The following SLAIN1 variants were observed in gnomAD, a reference collection of about 807,000 sequenced individuals.
SLAIN1 encodes the protein SLAIN family member 1.
Under a neutral mutation model 55.4 loss-of-function variants are expected in SLAIN1, and 17 were observed. The ratio of observed to expected loss-of-function variants is 0.31; its 90% CI spans 0.21 to 0.46. The LOEUF is 0.46. Among genes scored for constraint, SLAIN1 ranks in the 20% least tolerant of loss-of-function variants. SLAIN1 has a pLI of 1.00. For synonymous variants in SLAIN1, 348 were observed against 337.4 expected (o/e 1.03, Z -0.35); for missense variants, 682 against 785.1 (o/e 0.87, Z 1.57).
In SLAIN1 at chr13:77,719,664, G is replaced by A; in HGVS notation, c.759G>A (p.Leu253=). ...EAARRSLCFR[L]EQGYTSRGSP... is the part of the protein sequence containing the mutation. ...CGAGACGTTCCCTGTGCTTTAGACT[G>A]GAGCAAGGTAATTGTGAGTGTGTGC... Residue 253 remains leucine, a synonymous_variant, in exon 2 of 7, where the codon CTG becomes CTA. Transcript: ENST00000418532. 1 of 1,612,908 alleles carries A rather than the reference G, an allele frequency of 6.2e-7. No homozygotes were observed. Among genetic ancestry groups the A allele is most frequent in the Non-Finnish European group, 8.5e-7 (1 of 1,179,314 alleles).
At chr13:77,711,835 T>C (rs1228736069) in intron 1 of SLAIN1, among the ~76,000 whole-genome samples, 1 of 152,202 alleles carries the variant, frequency 6.6e-6, no homozygotes, top group Non-Finnish European at 1.5e-5. Context: ...AGTAAAATAC[T>C]GGCAAATCGA....
At position 77,699,565 on chromosome 13, in the gene SLAIN1, G is replaced by A. The variant is rs2091011026; in HGVS notation, c.626+1026G>A. The stretch of plus-strand genomic sequence containing the variant: ...TTGTGTCTCTGTTGCATGATTGCAT[G>A]GAAGGGATTGGGAAATGGAGATCCT... On this transcript the variant is annotated intron_variant, in intron 1 of 6. Coordinates refer to ENST00000418532, the MANE Select transcript of SLAIN1 (RefSeq NM_001242868.2). 1.3e-5 allele frequency among the ~76,000 whole-genome samples: 2 copies of A among 152,172 alleles called. 1 individual carries two copies. The highest frequency in any genetic ancestry group is 1.3e-4 in the Admixed American group (2 of 15,274).
chr13:77,742,041 A>G (rs947162141), intron 2 of SLAIN1, among the ~76,000 whole-genome samples: 4 of 151,982 alleles, frequency 2.6e-5, no homozygotes, highest in African/African-American at 9.7e-5. Context: ...TCATGAGAGG[A>G]GAGTAAATCA....
intron 4 of SLAIN1, 134 bp downstream of exon 4, chr13:77,746,989 C>T (rs576128511): frequency 1.3e-5 from 10 of 755,034 alleles, no homozygotes; most frequent in South Asian, 3.9e-5. Flanking sequence ...TGCAGTGGCA[C>T]GATCTCAGCT....
chr13:77,750,602 G>A (rs1874141103), intron 4 of SLAIN1, among the ~76,000 whole-genome samples: 1 of 152,096 alleles, frequency 6.6e-6, no homozygotes, highest in African/African-American at 2.4e-5. Context: ...CCTGCTCTGT[G>A]AGGCTGGGAA....
At chr13:77,706,415 C>T (rs576313993) in intron 1 of SLAIN1, among the ~76,000 whole-genome samples, 27 of 152,092 alleles carry the variant, frequency 1.8e-4, no homozygotes, top group Non-Finnish European at 3.7e-4. Context: ...TCTTTAATTA[C>T]CTATCAGAAA....
intron 2 of SLAIN1, among the ~76,000 whole-genome samples, chr13:77,733,492 A>G (rs760674908): frequency 1.3e-5 from 2 of 152,154 alleles, no homozygotes; most frequent in Non-Finnish European, 2.9e-5. Context: ...TTTTTAAGTT[A>G]TTACATTCAT....
chr13:77,718,961 CTTTG>C lies in SLAIN1; in HGVS notation c.627-566_627-563del, dbSNP rs201991144. On this transcript the variant is annotated intron_variant, in intron 1 of 6. Coordinates refer to ENST00000418532, the MANE Select transcript of SLAIN1 (RefSeq NM_001242868.2). ...TTCGTAAAACATATCTTTTAAAGCT[CTTTG>C]TTTGGCTTTAATGAAAAAGAAACAT... Among the ~76,000 whole-genome samples the C allele has an allele frequency of 4.5e-3, 677 of 152,110 alleles. 16 individuals carry two copies. Among genetic ancestry groups the C allele is most frequent in the Admixed American group, 0.038 (586 of 15,242 alleles).
chr13:77,721,049 G>A (rs765829868), intron 2 of SLAIN1, among the ~76,000 whole-genome samples: 15 of 152,036 alleles, frequency 9.9e-5, no homozygotes, highest in Non-Finnish European at 2.2e-4. Flanking sequence ...AAACTGATAC[G>A]GTTTGGCTCT....
chr13:77,741,572 C>T (rs79939430), intron 2 of SLAIN1: 16,074 of 239,402 alleles, frequency 0.067, 669 homozygotes, highest in Non-Finnish European at 0.085. Context: ...AGTTCTTCCA[C>T]ATACTTAAGG....
intron 1 of SLAIN1, among the ~76,000 whole-genome samples, chr13:77,702,898 T>G (rs1388244672): frequency 6.6e-6 from 1 of 152,188 alleles, no homozygotes; most frequent in East Asian, 1.9e-4. Flanking sequence ...GTGGAAATAT[T>G]AAACGTATTT....
chr13:77,722,420 C>T (rs2154409762), intron 2 of SLAIN1, among the ~76,000 whole-genome samples: 1 of 152,044 alleles, frequency 6.6e-6, no homozygotes, highest in East Asian at 1.9e-4. Context: ...TGTTATAAGA[C>T]AAATATCAAA....
intron 5 of SLAIN1, among the ~76,000 whole-genome samples, chr13:77,758,353 A>G (rs1308819267): frequency 3.3e-5 from 5 of 151,900 alleles, no homozygotes; most frequent in African/African-American, 1.2e-4. Flanking sequence ...CATAGTTTGC[A>G]GATATTTTTT....
chr13:77,714,442 T>A (rs2091185916), intron 1 of SLAIN1, among the ~76,000 whole-genome samples: 1 of 152,008 alleles, frequency 6.6e-6, no homozygotes, highest in Non-Finnish European at 1.5e-5. Context: ...GAAGACCACA[T>A]CTCTACAAAA....
At chr13:77,718,145 T>C (rs1034419311) in intron 1 of SLAIN1, among the ~76,000 whole-genome samples, 1 of 152,096 alleles carries the variant, frequency 6.6e-6, no homozygotes, top group African/African-American at 2.4e-5. Context: ...TTGAGATCTA[T>C]ATTTTAGAGT....
At chr13:77,702,954 A>T (rs1317827811) in intron 1 of SLAIN1, among the ~76,000 whole-genome samples, 1 of 152,182 alleles carries the variant, frequency 6.6e-6, no homozygotes, top group Non-Finnish European at 1.5e-5. Flanking sequence ...GTTTGAAAGC[A>T]AAACGGAGAA....
chr13:77,743,134 A>C (rs1466369430), intron 2 of SLAIN1: 1 of 1,302,996 alleles, frequency 7.7e-7, no homozygotes. Context: ...CTAAAACCTC[A>C]AATAAAGCAA....
chr13:77,711,809 C>T (rs1448281779), intron 1 of SLAIN1, among the ~76,000 whole-genome samples: 2 of 152,108 alleles, frequency 1.3e-5, no homozygotes, highest in East Asian at 3.8e-4. Flanking sequence ...TGATGAACAT[C>T]GATGTGAAAA....
intron 2 of SLAIN1, among the ~76,000 whole-genome samples, chr13:77,738,955 C>T (rs556387083): frequency 3.9e-5 from 6 of 152,128 alleles, no homozygotes; most frequent in East Asian, 1.9e-4. Context: ...GGTTTTCCAC[C>T]GGTTAGTGTG....
Sources: allele counts gnomAD v4.1 joint callset (sites outside exome capture counted in the v4.1 genomes callset), GRCh38; gene constraint gnomAD v4.1.1; transcripts MANE v1.5; gene names NCBI Gene and HGNC (gene_info 2026-07-23, HGNC 2026-07-21).